Variants in MYO3B observed in about 807,000 individuals in gnomAD.
MYO3B encodes the protein myosin-IIIb.
MYO3B carries 156 observed loss-of-function variants against 174.6 expected under a neutral mutation model. The ratio of observed to expected loss-of-function variants is 0.89; its 90% confidence interval spans 0.78 to 1.02. The LOEUF is 1.02. MYO3B is among the 50% of genes least tolerant of loss of function. MYO3B has a pLI of 0.00. For synonymous variants in MYO3B, 563 were observed against 569.1 expected, an observed-to-expected ratio of 0.99 and a Z score of 0.15; for missense variants, 1,632 against 1,639.4, an observed-to-expected ratio of 1.00 and a Z score of 0.08.
intron 32 of MYO3B, among the ~76,000 whole-genome samples, chr2:170,634,008 G>T (rs1362483066): frequency 6.6e-6 from 1 of 152,124 alleles, no homozygotes; most frequent in Non-Finnish European, 1.5e-5. Context: ...TCATGGATAG[G>T]AAGAATCAAT....
chr2:170,475,984 A>G (rs1243747502), intron 25 of MYO3B, among the ~76,000 whole-genome samples: 1 of 152,222 alleles, frequency 6.6e-6, no homozygotes, highest in African/African-American at 2.4e-5. Flanking sequence ...GCCCTTAGGC[A>G]GATTTACACA....
chr2:170,609,473 C>T (rs923827717), intron 32 of MYO3B, among the ~76,000 whole-genome samples: 1 of 152,172 alleles, frequency 6.6e-6, no homozygotes, highest in African/African-American at 2.4e-5. Context: ...GTGCCCTTCA[C>T]TGTGTGCAGG....
At chr2:170,646,234 G>A (rs1425774810) in intron 32 of MYO3B, among the ~76,000 whole-genome samples, 1 of 149,732 alleles carries the variant, frequency 6.7e-6, no homozygotes, top group African/African-American at 2.5e-5. Flanking sequence ...TCACGCCATC[G>A]CACTCCAGCC....
intron 16 of MYO3B, among the ~76,000 whole-genome samples, chr2:170,398,342 C>T (rs571702937): frequency 3.3e-5 from 5 of 152,016 alleles, no homozygotes; most frequent in African/African-American, 1.2e-4. Context: ...CTGAGCACAC[C>T]ACTCTCCCAG....
chr2:170,550,291 A>G (rs778224912), intron 32 of MYO3B, among the ~76,000 whole-genome samples: 2 of 152,386 alleles, frequency 1.3e-5, no homozygotes, highest in South Asian at 4.1e-4. Context: ...ATGTGAGGTT[A>G]GAAAAACACC....
At chr2:170,214,900 A>G in intron 5 of MYO3B, 72 bp downstream of exon 5, 2 of 1,161,246 alleles carry the variant, frequency 1.7e-6, no homozygotes, top group East Asian at 2.4e-5. Context: ...TTGCAATCTC[A>G]GAAGACTGGG....
chr2:170,202,085 T>C (rs2092668138), intron 3 of MYO3B, among the ~76,000 whole-genome samples: 1 of 152,178 alleles, frequency 6.6e-6, no homozygotes, highest in Admixed American at 6.5e-5. Flanking sequence ...CCCTCAGACA[T>C]GGCAACTCAG....
intron 9 of MYO3B, among the ~76,000 whole-genome samples, chr2:170,381,304 CATA>C (rs1184217615): frequency 2.0e-5 from 3 of 151,994 alleles, no homozygotes; most frequent in Non-Finnish European, 4.4e-5. Flanking sequence ...GTTTAAAAAT[CATA>C]ATGTTTAATG....
intron 32 of MYO3B, among the ~76,000 whole-genome samples, chr2:170,589,418 C>T (rs1377211299): frequency 3.3e-5 from 5 of 152,058 alleles, no homozygotes; most frequent in African/African-American, 4.8e-5. Context: ...ATGACAGATC[C>T]GTGCATATTC....
intron 23 of MYO3B, among the ~76,000 whole-genome samples, chr2:170,451,437 A>G (rs1683588429): frequency 6.6e-6 from 1 of 152,252 alleles, no homozygotes; most frequent in South Asian, 2.1e-4. Context: ...GAAGCAGTTT[A>G]TTACCTTAAA....
chr2:170,637,375 G>C (rs986768852), intron 32 of MYO3B, among the ~76,000 whole-genome samples: 1 of 151,994 alleles, frequency 6.6e-6, no homozygotes, highest in Non-Finnish European at 1.5e-5. Flanking sequence ...GTTTTGCTAT[G>C]TTGGACAGGC....
intron 7 of MYO3B, among the ~76,000 whole-genome samples, chr2:170,292,700 A>T (rs1051968096): frequency 1.3e-5 from 2 of 152,148 alleles, no homozygotes; most frequent in Admixed American, 1.3e-4. Flanking sequence ...CAAAGGGATT[A>T]TCCAACCAGT....
intron 3 of MYO3B, among the ~76,000 whole-genome samples, chr2:170,201,667 G>C (rs139892711): frequency 6.6e-6 from 1 of 152,216 alleles, no homozygotes; most frequent in African/African-American, 2.4e-5. Context: ...TAGTTGACTG[G>C]TTAAGTCATA....
intron 32 of MYO3B, among the ~76,000 whole-genome samples, chr2:170,562,760 T>A (rs558291306): frequency 1.6e-4 from 25 of 152,334 alleles, no homozygotes; most frequent in Non-Finnish European, 3.4e-4. Flanking sequence ...TTGATTGTGA[T>A]GCCTGTTATA....
chr2:170,353,035 T>C (rs963533824), intron 8 of MYO3B, among the ~76,000 whole-genome samples: 1 of 152,218 alleles, frequency 6.6e-6, no homozygotes, highest in African/African-American at 2.4e-5. Flanking sequence ...TACCGTAGGG[T>C]CTAGCAATCG....
chr2:170,236,211 T>A, intron 7 of MYO3B, 75 bp downstream of exon 7: 1 of 1,577,544 alleles, frequency 6.3e-7, no homozygotes, highest in Non-Finnish European at 8.6e-7. Context: ...ATAAATAGTT[T>A]GCAAGCAATT....
intron 25 of MYO3B, among the ~76,000 whole-genome samples, chr2:170,495,277 A>G (rs1416608507): frequency 1.3e-5 from 2 of 152,210 alleles, no homozygotes; most frequent in African/African-American, 2.4e-5. Context: ...TGAAGTACAC[A>G]GGAGCTCAAA....
intron 7 of MYO3B, among the ~76,000 whole-genome samples, chr2:170,321,581 G>A (rs1467615102): frequency 6.6e-6 from 1 of 152,126 alleles, no homozygotes; most frequent in East Asian, 1.9e-4. Flanking sequence ...GTGAAAAGAA[G>A]GAGACCAGAC....
intron 30 of MYO3B, among the ~76,000 whole-genome samples, chr2:170,531,434 C>G (rs992669807): frequency 9.2e-5 from 14 of 152,150 alleles, no homozygotes; most frequent in Non-Finnish European, 2.1e-4. Flanking sequence ...CATAAACGCA[C>G]TTATTTTCTC....
Sources: allele counts gnomAD v4.1 joint callset (sites outside exome capture counted in the v4.1 genomes callset), GRCh38; gene constraint gnomAD v4.1.1; transcripts MANE v1.5; gene names NCBI Gene and HGNC (gene_info 2026-07-23, HGNC 2026-07-21).